Variants in PCDHA10 observed in about 807,000 individuals in gnomAD.
The protein encoded by PCDHA10 is protocadherin alpha 10.
In PCDHA10, 45 loss-of-function variants were observed where a neutral mutation model predicts 61.2. The ratio of observed to expected loss-of-function variants is 0.74; its 90% CI spans 0.58 to 0.94. The LOEUF (loss-of-function observed/expected upper bound fraction) is 0.94, where lower values mean the gene tolerates loss of function less well. PCDHA10 is among the 40% of genes least tolerant of loss of function. The probability of loss-of-function intolerance (pLI) is 0.00; values close to 1 mark genes in which losing one functional copy is unlikely to be tolerated. For synonymous variants in PCDHA10, 602 were observed against 548.8 expected (o/e 1.10, Z -1.35); for missense variants, 1,278 against 1,236.2 (o/e 1.03, Z -0.51).
At chr5:140,907,392 A>G (rs1362391388) in intron 1 of PCDHA10, among the ~76,000 whole-genome samples, 1 of 152,202 alleles carries the variant, frequency 6.6e-6, no homozygotes, top group Non-Finnish European at 1.5e-5. Context: ...GTCAAAGGCA[A>G]TGCTGTGTGG....
intron 1 of PCDHA10, chr5:140,870,788 C>A (rs782319322): frequency 3.7e-6 from 6 of 1,613,636 alleles, no homozygotes; most frequent in Non-Finnish European, 5.1e-6. Context: ...GACAACGCGC[C>A]GGCACTGCTG....
intron 3 of PCDHA10, among the ~76,000 whole-genome samples, chr5:140,997,458 G>A (rs1167865060): frequency 5.3e-5 from 8 of 152,070 alleles, no homozygotes; most frequent in African/African-American, 1.7e-4. Flanking sequence ...ACTGAATACT[G>A]TAGGCAATTT....
intron 1 of PCDHA10, 39 bp downstream of exon 1, chr5:140,858,475 GAAT>G (rs2045440906): frequency 2.0e-6 from 3 of 1,517,006 alleles, no homozygotes; most frequent in East Asian, 4.9e-5. Context: ...TGTGCTTTAT[GAAT>G]AATATTTTCT....
intron 1 of PCDHA10, chr5:140,883,754 G>C: frequency 3.1e-6 from 5 of 1,613,118 alleles, no homozygotes; most frequent in Non-Finnish European, 4.2e-6. Flanking sequence ...CTCGCTGGTG[G>C]AGCGGCGGGT....
At chr5:140,952,445 G>A (rs1187543872) in intron 1 of PCDHA10, among the ~76,000 whole-genome samples, 1 of 152,002 alleles carries the variant, frequency 6.6e-6, no homozygotes, top group Non-Finnish European at 1.5e-5. Flanking sequence ...GCATAATACA[G>A]CCAGGCTCTT....
At chr5:140,973,753 G>A (rs935956688) in intron 1 of PCDHA10, among the ~76,000 whole-genome samples, 1 of 152,244 alleles carries the variant, frequency 6.6e-6, no homozygotes, top group Non-Finnish European at 1.5e-5. Flanking sequence ...ACACTCTGCA[G>A]GGACACAGCC....
intron 1 of PCDHA10, among the ~76,000 whole-genome samples, chr5:140,906,486 A>G (rs2072686991): frequency 6.6e-6 from 1 of 152,270 alleles, no homozygotes; most frequent in South Asian, 2.1e-4. Context: ...GTATAAATGC[A>G]CAAACATGTT....
chr5:140,883,946 G>T (rs139225969), intron 1 of PCDHA10: 2 of 1,613,274 alleles, frequency 1.2e-6, no homozygotes, highest in Non-Finnish European at 1.7e-6. Flanking sequence ...GGACGAGAAC[G>T]ACAACGCTCC....
intron 3 of PCDHA10, among the ~76,000 whole-genome samples, chr5:140,984,759 T>C (rs2097119018): frequency 6.6e-6 from 1 of 152,184 alleles, no homozygotes; most frequent in Non-Finnish European, 1.5e-5. Context: ...AGTTGAATTC[T>C]AATCCCAAGC....
chr5:141,006,180 A>C (rs1554260594), intron 3 of PCDHA10, among the ~76,000 whole-genome samples: 5 of 150,546 alleles, frequency 3.3e-5, no homozygotes, highest in Non-Finnish European at 7.4e-5. Context: ...TTTTTAAAAG[A>C]GTTTGCTATA....
At chr5:140,952,338 CAA>C (rs55931446) in intron 1 of PCDHA10, among the ~76,000 whole-genome samples, 119 of 135,000 alleles carry the variant, frequency 8.8e-4, no homozygotes, top group Admixed American at 1.8e-3. Flanking sequence ...AACTCCATCT[CAA>C]AAAAAAAAAA....
At chr5:140,956,174 C>T (rs1353306679) in intron 1 of PCDHA10, among the ~76,000 whole-genome samples, 1 of 152,154 alleles carries the variant, frequency 6.6e-6, no homozygotes. Context: ...GCCAGAACTT[C>T]CAATACTATG....
intron 1 of PCDHA10, among the ~76,000 whole-genome samples, chr5:140,873,282 T>C (rs961755772): frequency 2.6e-4 from 39 of 152,330 alleles, no homozygotes; most frequent in African/African-American, 8.7e-4. Context: ...TCATACCACT[T>C]ATGAAACTTT....
intron 1 of PCDHA10, among the ~76,000 whole-genome samples, chr5:140,910,994 CT>C (rs1312142604): frequency 2.0e-5 from 3 of 152,222 alleles, no homozygotes; most frequent in African/African-American, 7.2e-5. Flanking sequence ...AACCTCACCC[CT>C]AGGGCCCTCC....
intron 1 of PCDHA10, among the ~76,000 whole-genome samples, chr5:140,939,496 T>C (rs1056805885): frequency 4.6e-5 from 7 of 150,952 alleles, no homozygotes; most frequent in African/African-American, 1.5e-4. Context: ...AATTATAAAT[T>C]CAATGTCTAT....
chr5:140,928,709 C>T (rs1563108337), intron 1 of PCDHA10: 1 of 1,614,180 alleles, frequency 6.2e-7, no homozygotes, highest in Non-Finnish European at 8.5e-7. Context: ...GCGTCTGACT[C>T]TAGTCTCTTT....
At chr5:140,913,857 T>C (rs1374392004) in intron 1 of PCDHA10, among the ~76,000 whole-genome samples, 3 of 152,208 alleles carry the variant, frequency 2.0e-5, no homozygotes, top group Admixed American at 6.5e-5. Context: ...CAGGAGCATA[T>C]TGTTTAATTT....
chr5:140,995,606 C>G (rs532220927), intron 3 of PCDHA10, among the ~76,000 whole-genome samples: 30 of 152,102 alleles, frequency 2.0e-4, no homozygotes, highest in Non-Finnish European at 3.7e-4. Context: ...TTTTTCTTCT[C>G]CCAAACCAAA....
chr5:140,917,955 C>T (rs1439909877), intron 1 of PCDHA10, among the ~76,000 whole-genome samples: 1 of 151,916 alleles, frequency 6.6e-6, no homozygotes, highest in Admixed American at 6.6e-5. Context: ...TTGATAGGAA[C>T]ATCATTGAAT....
Sources: allele counts gnomAD v4.1 joint callset (sites outside exome capture counted in the v4.1 genomes callset), GRCh38; gene constraint gnomAD v4.1.1; transcripts MANE v1.5; gene names NCBI Gene and HGNC (gene_info 2026-07-23, HGNC 2026-07-21).